The following PRDM9 variants were observed in gnomAD, a reference collection of about 807,000 sequenced individuals.
PRDM9 encodes histone-lysine N-methyltransferase PRDM9.
In PRDM9, 47 loss-of-function variants were observed where a neutral mutation model predicts 55.6. That is an observed-to-expected ratio of 0.85 (90% CI 0.67 to 1.08). The LOEUF is 1.08. Among genes scored for constraint, PRDM9 ranks in the 50% least tolerant of loss-of-function variants. The pLI is 0.00. For missense variants in PRDM9, 867 were observed against 1,040.3 expected, an observed-to-expected ratio of 0.83 and a Z score of 2.29; for synonymous variants, 312 against 375.7, an observed-to-expected ratio of 0.83 and a Z score of 1.96.
At chr5:23,508,228 C>G (rs375632921) in intron 1 of PRDM9, among the ~76,000 whole-genome samples, 24 of 152,162 alleles carry the variant, frequency 1.6e-4, no homozygotes, top group East Asian at 1.4e-3. Flanking sequence ...TCCCCTTAAC[C>G]TGATGAATCT....
At chr5:23,525,399 A>G (rs1183568447) in intron 10 of PRDM9, among the ~76,000 whole-genome samples, 5 of 152,192 alleles carry the variant, frequency 3.3e-5, no homozygotes, top group African/African-American at 1.2e-4. Context: ...TTGACACAAG[A>G]CTTCCTATTG....
At chr5:23,515,820 C>T (rs1053157946) in intron 4 of PRDM9, among the ~76,000 whole-genome samples, 2 of 152,174 alleles carry the variant, frequency 1.3e-5, no homozygotes, top group Non-Finnish European at 2.9e-5. Context: ...CATTTGACCG[C>T]ATACACAAGG....
chr5:23,523,218 C>T (rs942457028), intron 8 of PRDM9, 73 bp from the exon 9 acceptor site: 25 of 1,524,412 alleles, frequency 1.6e-5, no homozygotes, highest in Middle Eastern at 1.7e-4. Flanking sequence ...AGGCCATTGA[C>T]GACAGTGGAG....
rs184753683 is a variant in PRDM9, at chr5:23,524,467, G to A, written c.1084G>A (p.Gly362Ser). The change falls in exon 10 of 11, where the codon GGC becomes AGC. Residue 362 changes from glycine to serine, a missense_variant. Physicochemically the swap from Gly to Ser is moderately conservative, Grantham distance 56. Coordinates refer to ENST00000296682, the MANE Select transcript of PRDM9 (RefSeq NM_020227.4). ...GCTGGTCTGGTATGGGGATGAATAC[G>A]GCCAGGAACTGGGCATCAAGTGGGG... Reference protein sequence around the residue: ...ELLVWYGDEYGQELGIKWGSK... With the variant: ...ELLVWYGDEYSQELGIKWGSK... The A allele has an allele frequency of 4.9e-5, 79 of 1,613,888 alleles. No homozygotes were observed. Among genetic ancestry groups the A allele is most frequent in the Middle Eastern group, 1.7e-4 (1 of 6,056 alleles).
At chr5:23,510,600 C>T (rs1402758705) in intron 4 of PRDM9, among the ~76,000 whole-genome samples, 6 of 151,368 alleles carry the variant, frequency 4.0e-5, no homozygotes, top group Non-Finnish European at 4.4e-5. Context: ...TCAAGTGATC[C>T]GCCTGCCTTG....
intron 4 of PRDM9, among the ~76,000 whole-genome samples, chr5:23,511,937 T>G (rs1341779615): frequency 6.6e-6 from 1 of 152,084 alleles, no homozygotes; most frequent in Non-Finnish European, 1.5e-5. Context: ...TCCAGTACCA[T>G]TCTCCATTGT....
At chr5:23,509,896 A>G (rs1380814816) in intron 3 of PRDM9, 24 bp from the exon 4 acceptor site, 1 of 1,613,614 alleles carries the variant, frequency 6.2e-7, no homozygotes. Flanking sequence ...TCCATTTTAG[A>G]ACAAAATTTT....
At chr5:23,520,507 T>G (rs1439502199) in intron 5 of PRDM9, among the ~76,000 whole-genome samples, 1 of 151,916 alleles carries the variant, frequency 6.6e-6, no homozygotes, top group Non-Finnish European at 1.5e-5. Context: ...AGCCAAATAT[T>G]CTTTCCAGGA....
At chr5:23,515,726 A>T (rs1236552312) in intron 4 of PRDM9, among the ~76,000 whole-genome samples, 1 of 152,096 alleles carries the variant, frequency 6.6e-6, no homozygotes, top group African/African-American at 2.4e-5. Flanking sequence ...TCTCTTTTGC[A>T]TATGTATATC....
At chr5:23,520,969 T>A in intron 5 of PRDM9, 54 bp from the exon 6 acceptor site, 1 of 1,596,524 alleles carries the variant, frequency 6.3e-7, no homozygotes, top group Non-Finnish European at 8.6e-7. Flanking sequence ...TTGCAAGCCG[T>A]AAAGAACTAA....
chr5:23,517,805 T>G, intron 4 of PRDM9, 76 bp from the exon 5 acceptor site: 1 of 1,380,774 alleles, frequency 7.2e-7, no homozygotes, highest in East Asian at 2.3e-5. Flanking sequence ...AAAATAAAAA[T>G]AAAAAATAGA....
At chr5:23,518,060 T>C in intron 5 of PRDM9, 130 bp downstream of exon 5, 1 of 823,076 alleles carries the variant, frequency 1.2e-6, no homozygotes, top group Non-Finnish European at 2.1e-6. Flanking sequence ...GCACAGTGTC[T>C]GACATCATCA....
chr5:23,509,061 A>T lies in PRDM9; in HGVS notation c.28A>T (p.Ser10Cys). ...GAGCCCTGAAAAGTCCCAAGAGGAGAGCCCAGAAGAAGACACAGAGAGAAC... is the reference window on the plus strand; with the variant it reads ...GAGCCCTGAAAAGTCCCAAGAGGAGTGCCCAGAAGAAGACACAGAGAGAAC... Reference protein sequence around the residue: MSPEKSQEESPEEDTERTER... With the variant: MSPEKSQEECPEEDTERTER... The change falls in exon 2 of 11, where the codon AGC becomes TGC. Residue 10 changes from serine (S) to cysteine (C), a missense_variant. Coordinates refer to ENST00000296682, the MANE Select transcript of PRDM9 (RefSeq NM_020227.4). The T allele has an allele frequency of 5.0e-6, 8 of 1,614,122 alleles. No individual in the cohort carries two copies. Among genetic ancestry groups the T allele is most frequent in the Non-Finnish European group, 6.8e-6 (8 of 1,180,008 alleles).
chr5:23,508,046 C>T (rs1739019999), intron 1 of PRDM9, among the ~76,000 whole-genome samples: 2 of 151,908 alleles, frequency 1.3e-5, no homozygotes, highest in Non-Finnish European at 2.9e-5. Flanking sequence ...TCCCCAACCT[C>T]AGATAACCTA....
chr5:23,524,544 C>T lies in PRDM9; in HGVS notation c.1144+17C>T, dbSNP rs188031148. ...CAGGGAGAGGTAGGCATCACTATTA[C>T]TCTTTTAAAAGGACAGGAAAGAAAG... On this transcript the variant is annotated intron_variant, in intron 10 of 10. Coordinates refer to ENST00000296682, the MANE Select transcript of PRDM9 (RefSeq NM_020227.4). The T allele has an allele frequency of 2.2e-5, 35 of 1,613,434 alleles. No individual in the cohort carries two copies. In the East Asian group the frequency reaches 7.4e-4, roughly 34 times the overall value.
At chr5:23,514,276 T>A (rs1316150129) in intron 4 of PRDM9, among the ~76,000 whole-genome samples, 1 of 152,230 alleles carries the variant, frequency 6.6e-6, no homozygotes, top group Admixed American at 6.5e-5. Context: ...CTGACATTTC[T>A]GAAGCCTGGA....
At position 23,527,827 on chromosome 5, in the gene PRDM9, C is replaced by G; in HGVS notation, c.*54C>G. Reference sequence around the variant, plus strand: ...AGCCACAAAAAGACAAATGTGGTCACCACACACTTGCACACCCCAGCTGTG... The same window carrying G: ...AGCCACAAAAAGACAAATGTGGTCAGCACACACTTGCACACCCCAGCTGTG... On this transcript the variant is annotated 3_prime_UTR_variant, in exon 11 of 11. Transcript: ENST00000296682. 1 of 1,606,146 alleles carries G rather than the reference C, an allele frequency of 6.2e-7. No individual in the cohort carries two copies.
At chr5:23,520,949 T>TA (rs1739315083) in intron 5 of PRDM9, 74 bp from the exon 6 acceptor site, 12 of 1,537,548 alleles carry the variant, frequency 7.8e-6, no homozygotes, top group Admixed American at 5.2e-5. Context: ...GTCATGCATA[T>TA]GAAAACATGT....
At chr5:23,513,934 T>C (rs1739150918) in intron 4 of PRDM9, among the ~76,000 whole-genome samples, 1 of 152,116 alleles carries the variant, frequency 6.6e-6, no homozygotes, top group Admixed American at 6.6e-5. Context: ...CCCACTCTGT[T>C]ACATTCTAGG....
Sources: allele counts gnomAD v4.1 joint callset (sites outside exome capture counted in the v4.1 genomes callset), GRCh38; gene constraint gnomAD v4.1.1; transcripts MANE v1.5; gene names NCBI Gene and HGNC (gene_info 2026-07-23, HGNC 2026-07-21).